Variants in LRRC8B observed in about 807,000 individuals in gnomAD.
LRRC8B encodes the protein volume-regulated anion channel subunit LRRC8B.
A neutral mutation model predicts 58.8 loss-of-function variants in LRRC8B; 23 were observed. The ratio of observed to expected loss-of-function variants is 0.39; its 90% CI spans 0.28 to 0.55. The LOEUF (loss-of-function observed/expected upper bound fraction) is 0.55, where lower values mean the gene tolerates loss of function less well. LRRC8B is among the 20% of genes least tolerant of loss of function. LRRC8B has a pLI of 0.62. For synonymous variants in LRRC8B, 359 were observed against 374.1 expected (o/e 0.96, Z 0.47); for missense variants, 694 against 936.0 (o/e 0.74, Z 3.37).
intron 1 of LRRC8B, among the ~76,000 whole-genome samples, chr1:89,542,507 T>G (rs1300935709): frequency 3.3e-5 from 5 of 152,216 alleles, no homozygotes; most frequent in African/African-American, 1.2e-4. Flanking sequence ...ACTGAATGAC[T>G]GAGTGAATGA....
chr1:89,543,412 G>A (rs992264980), intron 1 of LRRC8B, among the ~76,000 whole-genome samples: 1 of 152,084 alleles, frequency 6.6e-6, no homozygotes, highest in Non-Finnish European at 1.5e-5. Context: ...GGTAACAAAC[G>A]CCAGTGAGTG....
Position 89,584,332 on chromosome 1 carries a change from C to A in LRRC8B, c.1682C>A (p.Pro561His). 2.5e-6 allele frequency: 4 copies of A among 1,614,154 alleles called. No homozygotes were observed. The highest frequency in any genetic ancestry group is 1.7e-6 in the Non-Finnish European group (2 of 1,180,038). The change falls in exon 5 of 6, where the codon CCT becomes CAT. Residue 561 changes from proline (P) to histidine (H), a missense_variant. Pro to His is a moderately conservative substitution (Grantham distance 77, BLOSUM62 -2). Transcript: ENST00000330947. ...RIPQVVTDLL[P>H]SLQKLSLDNE... ...CCACAAGTTGTTACAGACCTCCTGCCTTCATTGCAGAAACTGTCCCTTGAT... is the reference window on the plus strand; with the variant it reads ...CCACAAGTTGTTACAGACCTCCTGCATTCATTGCAGAAACTGTCCCTTGAT...
Position 89,583,383 on chromosome 1 carries a change from C to T in LRRC8B, c.733C>T (p.Arg245Cys), listed in dbSNP as rs777469841. The T allele has an allele frequency of 6.2e-6, 10 of 1,614,112 alleles. No homozygotes were observed. Among genetic ancestry groups the T allele is most frequent in the South Asian group, 1.1e-5 (1 of 91,078 alleles). ...CATCTTTGAAAAAGTGAAAAGATTCCGCATGCATGTGGAGCAGAAGGACAT... is the reference window on the plus strand; with the variant it reads ...CATCTTTGAAAAAGTGAAAAGATTCTGCATGCATGTGGAGCAGAAGGACAT... The part of the protein sequence containing the change: ...KAIFEKVKRF[R>C]MHVEQKDIIY... Residue 245 changes from arginine to cysteine, a missense_variant, in exon 5 of 6, where the codon CGC becomes TGC. Arg to Cys is a radical substitution (Grantham distance 180). This residue lies in a region of LRRC8B where 316 missense variants were observed against 403.8 expected (regional missense o/e 0.78). Transcript: ENST00000330947. The surrounding 1 kb of genome is among the most constrained non-coding windows in gnomAD (Gnocchi z 5.2).
At chr1:89,540,031 G>A (rs1650836895) in intron 1 of LRRC8B, among the ~76,000 whole-genome samples, 1 of 152,068 alleles carries the variant, frequency 6.6e-6, no homozygotes, top group Non-Finnish European at 1.5e-5. Context: ...CCTTCTACAT[G>A]CATGTCTATT....
chr1:89,546,541 T>C (rs971968525), intron 1 of LRRC8B, among the ~76,000 whole-genome samples: 1 of 152,230 alleles, frequency 6.6e-6, no homozygotes, highest in East Asian at 1.9e-4. Flanking sequence ...CTACCTGGAA[T>C]AGATGTATTT....
chr1:89,540,528 C>CAA (rs1650880410), intron 1 of LRRC8B, among the ~76,000 whole-genome samples: 1 of 152,188 alleles, frequency 6.6e-6, no homozygotes, highest in African/African-American at 2.4e-5. Context: ...GTCAGCTTTT[C>CAA]CCCTTTGTGA....
At position 89,568,513 on chromosome 1, in the gene LRRC8B, T is replaced by C. The variant is rs116693456; in HGVS notation, c.-125+20T>C. The C allele has an allele frequency of 1.3e-5, 2 of 152,120 alleles. No individual in the cohort carries two copies. The highest frequency in any genetic ancestry group is 6.5e-5 in the Admixed American group (1 of 15,272). The allele number at this position is 152,120 out of a possible 1,614,324, so 9.4% of individuals were successfully genotyped here. ...CATAGGGTAAGATTAACATCCTGAA[T>C]TGTAAACACATGGTAAAGATAATTA... On this transcript the variant is annotated intron_variant, in intron 3 of 5. Transcript: ENST00000330947.
At chr1:89,566,197 G>A (rs1167842503) in intron 1 of LRRC8B, among the ~76,000 whole-genome samples, 2 of 152,132 alleles carry the variant, frequency 1.3e-5, no homozygotes, top group African/African-American at 2.4e-5. Flanking sequence ...GCAGGCAATA[G>A]CTTCACATAT....
At chr1:89,576,149 C>G (rs1653831822) in intron 3 of LRRC8B, among the ~76,000 whole-genome samples, 1 of 152,196 alleles carries the variant, frequency 6.6e-6, no homozygotes. Context: ...TTTCTAATCC[C>G]TCTCCCATAA....
At chr1:89,565,670 G>C (rs1456560860) in intron 1 of LRRC8B, among the ~76,000 whole-genome samples, 1 of 152,098 alleles carries the variant, frequency 6.6e-6, no homozygotes, top group East Asian at 1.9e-4. Flanking sequence ...TGTACCCTTG[G>C]TTCCTAAATG....
intron 1 of LRRC8B, among the ~76,000 whole-genome samples, chr1:89,548,634 C>G (rs1007703974): frequency 2.0e-5 from 3 of 152,124 alleles, no homozygotes; most frequent in Non-Finnish European, 4.4e-5. Flanking sequence ...TGTTTTGACC[C>G]CTCAGTTTTG....
chr1:89,560,130 G>A (rs12140018), intron 1 of LRRC8B, among the ~76,000 whole-genome samples: 60,449 of 152,090 alleles, frequency 0.4, 13,489 homozygotes, highest in South Asian at 0.55. Context: ...ACATTATGCC[G>A]TCAGTAAGAT....
intron 1 of LRRC8B, among the ~76,000 whole-genome samples, chr1:89,525,482 C>T (rs1242893731): frequency 3.9e-5 from 6 of 152,356 alleles, no homozygotes; most frequent in African/African-American, 1.2e-4. Flanking sequence ...CCTGCGCTGG[C>T]GCTGTTGGGA....
intron 1 of LRRC8B, among the ~76,000 whole-genome samples, chr1:89,562,150 AACACACACACACAC>A (rs59568247): frequency 2.2e-5 from 3 of 139,524 alleles, no homozygotes; most frequent in East Asian, 2.1e-4. Flanking sequence ...CACCTCCCAA[AACACACACACACAC>A]ACACACACAC....
At chr1:89,537,435 G>A (rs1209130141) in intron 1 of LRRC8B, among the ~76,000 whole-genome samples, 1 of 152,112 alleles carries the variant, frequency 6.6e-6, no homozygotes, top group African/African-American at 2.4e-5. Flanking sequence ...TAAAAACAAA[G>A]CCCTCATGAA....
At chr1:89,531,502 G>A (rs1650127789) in intron 1 of LRRC8B, among the ~76,000 whole-genome samples, 1 of 152,236 alleles carries the variant, frequency 6.6e-6, no homozygotes, top group South Asian at 2.1e-4. Context: ...GTTATGGGAA[G>A]GAGAGAAGAG....
chr1:89,528,181 C>A (rs1353307639), intron 1 of LRRC8B, among the ~76,000 whole-genome samples: 1 of 152,082 alleles, frequency 6.6e-6, no homozygotes, highest in Non-Finnish European at 1.5e-5. Flanking sequence ...CTCCATTCTG[C>A]AATGCCTATT....
At chr1:89,565,547 A>T (rs1199226649) in intron 1 of LRRC8B, among the ~76,000 whole-genome samples, 2 of 152,200 alleles carry the variant, frequency 1.3e-5, no homozygotes, top group Non-Finnish European at 2.9e-5. Context: ...CCATGGGGTG[A>T]TGGAAATGCC....
At position 89,594,845 on chromosome 1, in the gene LRRC8B, A is replaced by T. The variant is rs547003794; in HGVS notation, c.*1802A>T. 6.6e-6 allele frequency: 1 copy of T among 152,166 alleles called. No homozygotes were observed. Among genetic ancestry groups the T allele is most frequent in the South Asian group, 2.1e-4 (1 of 4,828 alleles). 9.4% of individuals were successfully genotyped at this position (152,166 alleles called of 1,614,324 possible). ...TCATTTTGGATATAACTATGAAGAA[A>T]TCTATTAACTGCACCTACACAAAAC... On this transcript the variant is annotated 3_prime_UTR_variant, in exon 6 of 6. Coordinates refer to ENST00000330947, the MANE Select transcript of LRRC8B (RefSeq NM_001369817.2).
Sources: gnomAD v4.1 joint callset for allele counts (sites outside exome capture counted in the v4.1 genomes callset) on GRCh38, gnomAD v4.1.1 for gene constraint, gnomAD v4.1.1 regional missense constraint, Gnocchi (gnomAD v3.1) non-coding constraint, MANE v1.5 for transcripts, NCBI Gene and HGNC (gene_info 2026-07-23, HGNC 2026-07-21) for gene names.